UBE2E2: variants seen among roughly 807,000 people sequenced by gnomAD.
UBE2E2 encodes ubiquitin conjugating enzyme E2 E2, also known as ubiquitin-conjugating enzyme E2 E2.
A neutral mutation model predicts 24.7 loss-of-function variants in UBE2E2; 6 were observed. The observed-to-expected ratio is 0.24, with a 90% CI of 0.13 to 0.48. UBE2E2 has a LOEUF of 0.48. UBE2E2 is among the 20% of genes least tolerant of loss of function. The pLI is 0.99. For missense variants in UBE2E2, 169 were observed against 245.0 expected (o/e 0.69, Z 2.07); for synonymous variants, 104 against 83.6 (o/e 1.24, Z -1.33).
At chr3:23,274,807 C>A (rs1371251447) in intron 3 of UBE2E2, among the ~76,000 whole-genome samples, 1 of 152,154 alleles carries the variant, frequency 6.6e-6, no homozygotes, top group Non-Finnish European at 1.5e-5. Context: ...TTCTTTACAG[C>A]AAATGCTGTG....
At chr3:23,445,155 A>G (rs979693414) in intron 3 of UBE2E2, among the ~76,000 whole-genome samples, 5 of 152,048 alleles carry the variant, frequency 3.3e-5, no homozygotes, top group African/African-American at 1.2e-4. Context: ...CACCTTGGCC[A>G]CTCTATTATG....
chr3:23,443,161 C>T (rs1053127880), intron 3 of UBE2E2, among the ~76,000 whole-genome samples: 1 of 152,070 alleles, frequency 6.6e-6, no homozygotes, highest in African/African-American at 2.4e-5. Flanking sequence ...CTGTCTTTCC[C>T]TCTGAGTGAT....
chr3:23,581,622 C>T (rs900812866), intron 5 of UBE2E2, among the ~76,000 whole-genome samples: 5 of 152,214 alleles, frequency 3.3e-5, no homozygotes, highest in African/African-American at 1.2e-4. Context: ...GGTGACCTGA[C>T]TCCGTGGTGG....
At chr3:23,519,828 C>T (rs1176153513) in intron 4 of UBE2E2, among the ~76,000 whole-genome samples, 2 of 149,180 alleles carry the variant, frequency 1.3e-5, no homozygotes, top group Non-Finnish European at 3.0e-5. Flanking sequence ...AGACACATGC[C>T]ACCATGCCCA....
At chr3:23,449,873 A>G (rs1254328044) in intron 3 of UBE2E2, 1 of 985,316 alleles carries the variant, frequency 1.0e-6, no homozygotes, top group Non-Finnish European at 1.2e-6. Flanking sequence ...CCAGCCCTAT[A>G]ATGGGGAAGG....
At chr3:23,285,997 C>A (rs957721276) in intron 3 of UBE2E2, among the ~76,000 whole-genome samples, 1 of 152,070 alleles carries the variant, frequency 6.6e-6, no homozygotes, top group Non-Finnish European at 1.5e-5. Flanking sequence ...GTGGATGGCC[C>A]TTTTGCCCAT....
chr3:23,429,541 T>A lies in UBE2E2; in HGVS notation c.228-70067T>A, dbSNP rs186379680. Among the ~76,000 whole-genome samples, 25 of 152,280 alleles carry A rather than the reference T, an allele frequency of 1.6e-4. 1 individual carries two copies. Among genetic ancestry groups the A allele is most frequent in the Admixed American group, 9.8e-4 (15 of 15,294 alleles). On this transcript the variant is annotated intron_variant, in intron 3 of 5. Coordinates refer to ENST00000396703, the MANE Select transcript of UBE2E2 (RefSeq NM_152653.4). ...AGGCTAAAGAAAATTCTCAGGATCA[T>A]ATCAATAAAGAAAGGGCACTTGACA...
chr3:23,225,876 T>G (rs1183394285), intron 3 of UBE2E2, among the ~76,000 whole-genome samples: 1 of 151,460 alleles, frequency 6.6e-6, no homozygotes, highest in Non-Finnish European at 1.5e-5. Flanking sequence ...AGAAAGTGTT[T>G]TTTTTTTTTG....
rs146009910 is a variant in UBE2E2, at chr3:23,526,567, C to G, written c.361-5987C>G. Reference sequence around the variant, plus strand: ...TAATTCATGATTTCATGAGGAGGTCCTACTGCAAGTATAGTATTGAAGTAG... The same window carrying G: ...TAATTCATGATTTCATGAGGAGGTCGTACTGCAAGTATAGTATTGAAGTAG... On this transcript the variant is annotated intron_variant, in intron 4 of 5. Coordinates refer to ENST00000396703, the MANE Select transcript of UBE2E2 (RefSeq NM_152653.4). Among the ~76,000 whole-genome samples, 649 of 152,248 alleles carry G rather than the reference C, an allele frequency of 4.3e-3. 5 individuals are homozygous for G. The highest frequency in any genetic ancestry group is 0.011 in the Admixed American group (163 of 15,304).
intron 5 of UBE2E2, among the ~76,000 whole-genome samples, chr3:23,577,035 A>G (rs1454419277): frequency 6.6e-6 from 1 of 152,014 alleles, no homozygotes; most frequent in East Asian, 1.9e-4. Flanking sequence ...AATTCTCACA[A>G]TATTTCAAAC....
chr3:23,590,010 TCTC>T lies in UBE2E2; in HGVS notation c.*181_*183del. 1 of 533,032 alleles carries T rather than the reference TCTC, an allele frequency of 1.9e-6. No individual in the cohort carries two copies. Among genetic ancestry groups the T allele is most frequent in the Admixed American group, 3.2e-5 (1 of 31,584 alleles). The allele number at this position is 533,032 out of a possible 1,614,324, so 33.0% of individuals were successfully genotyped here. A position where few individuals can be genotyped will look rare whatever the true frequency, so the allele number is the denominator to read the frequency against. On this transcript the variant is annotated 3_prime_UTR_variant, in exon 6 of 6. Coordinates refer to ENST00000396703, the MANE Select transcript of UBE2E2 (RefSeq NM_152653.4). ...CCAGTTCTTCCTGCCCCCCTTCCTC[TCTC>T]CCACGCTCTCTTTTATCTCTCATTT... is the stretch of plus-strand genomic sequence containing the variant.
intron 5 of UBE2E2, among the ~76,000 whole-genome samples, chr3:23,577,307 C>T (rs1696367305): frequency 6.7e-6 from 1 of 149,838 alleles, no homozygotes; most frequent in South Asian, 2.1e-4. Context: ...CAAAGTGCTA[C>T]TTTGATGAAC....
chr3:23,263,312 G>A (rs1461419318), intron 3 of UBE2E2, among the ~76,000 whole-genome samples: 2 of 152,158 alleles, frequency 1.3e-5, no homozygotes, highest in East Asian at 3.8e-4. Flanking sequence ...AGCCATTTGT[G>A]AAGATACTGT....
chr3:23,578,523 C>T (rs1215419209), intron 5 of UBE2E2, among the ~76,000 whole-genome samples: 1 of 152,194 alleles, frequency 6.6e-6, no homozygotes, highest in African/African-American at 2.4e-5. Flanking sequence ...GACATGGAAT[C>T]AACCCAAATG....
intron 3 of UBE2E2, among the ~76,000 whole-genome samples, chr3:23,255,280 G>T (rs931747494): frequency 1.3e-5 from 2 of 149,350 alleles, no homozygotes; most frequent in Non-Finnish European, 3.0e-5. Flanking sequence ...TTTTGGTAAC[G>T]ATAGGGTTTT....
intron 4 of UBE2E2, among the ~76,000 whole-genome samples, chr3:23,520,086 A>G (rs961497159): frequency 2.6e-5 from 4 of 151,944 alleles, no homozygotes; most frequent in Non-Finnish European, 5.9e-5. Flanking sequence ...TGGAATTTAC[A>G]TAATTTTCTT....
intron 3 of UBE2E2, among the ~76,000 whole-genome samples, chr3:23,381,362 A>G (rs542656303): frequency 8.5e-4 from 129 of 152,344 alleles, no homozygotes; most frequent in African/African-American, 3.0e-3. Flanking sequence ...CAATAAATCT[A>G]TAATTTTCAC....
At chr3:23,434,863 T>G (rs2125403565) in intron 3 of UBE2E2, among the ~76,000 whole-genome samples, 1 of 152,312 alleles carries the variant, frequency 6.6e-6, no homozygotes, top group South Asian at 2.1e-4. Flanking sequence ...TGCTTAAAAA[T>G]AAAGCATTTG....
intron 3 of UBE2E2, among the ~76,000 whole-genome samples, chr3:23,444,268 T>TC (rs1397761311): frequency 1.3e-5 from 2 of 152,100 alleles, no homozygotes; most frequent in Admixed American, 1.3e-4. Context: ...TATTTCTTCT[T>TC]CCCCCATTGT....
Sources: allele counts gnomAD v4.1 joint callset (sites outside exome capture counted in the v4.1 genomes callset), GRCh38; gene constraint gnomAD v4.1.1; transcripts MANE v1.5; gene names NCBI Gene and HGNC (gene_info 2026-07-23, HGNC 2026-07-21).